PLXDC2: variants seen among roughly 807,000 people sequenced by gnomAD.
PLXDC2 encodes plexin domain-containing protein 2.
Under a neutral mutation model 68.9 loss-of-function variants are expected in PLXDC2, and 40 were observed. That is an observed-to-expected ratio of 0.58 (90% confidence interval 0.45 to 0.76). The LOEUF is 0.76. Among genes scored for constraint, PLXDC2 ranks in the 30% least tolerant of loss-of-function variants. The pLI, the probability that PLXDC2 is intolerant of heterozygous loss-of-function variation, is 0.00. For synonymous variants in PLXDC2, 243 were observed against 234.2 expected (o/e 1.04, Z -0.34); for missense variants, 644 against 661.9 (o/e 0.97, Z 0.30).
chr10:20,095,088 G>A (rs1833332704), intron 4 of PLXDC2, among the ~76,000 whole-genome samples: 2 of 151,876 alleles, frequency 1.3e-5, no homozygotes, highest in Non-Finnish European at 2.9e-5. Flanking sequence ...AAAAGAAACA[G>A]GCACAATTAA....
At chr10:20,266,346 T>A in intron 13 of PLXDC2, among the ~76,000 whole-genome samples, 1 of 150,490 alleles carries the variant, frequency 6.6e-6, no homozygotes, top group African/African-American at 2.4e-5. Flanking sequence ...CAAATGTAAA[T>A]TAATGAAATT....
intron 1 of PLXDC2, among the ~76,000 whole-genome samples, chr10:19,953,394 T>A (rs1279989719): frequency 1.3e-5 from 2 of 152,202 alleles, no homozygotes; most frequent in Non-Finnish European, 2.9e-5. Context: ...ACTGGATGTA[T>A]ATACCTGTGA....
chr10:20,112,336 A>AT lies in PLXDC2; in HGVS notation c.542-30958dup, dbSNP rs1332170292. Among the ~76,000 whole-genome samples the AT allele has an allele frequency of 3.4e-4, 48 of 141,420 alleles. No individual in the cohort carries two copies. The South Asian group carries it at 1.0e-2, about 29-fold the overall frequency. 92.8% of individuals were successfully genotyped at this position (141,420 alleles called of 152,430 possible). ...GAACTTAAATTGTTCACATAGGAAAATGAAAAAAAAAAAAAAGGTTCTACT... is the reference window on the plus strand; with the variant it reads ...GAACTTAAATTGTTCACATAGGAAAATTGAAAAAAAAAAAAAAGGTTCTACT... On this transcript the variant is annotated intron_variant, in intron 4 of 13. Transcript: ENST00000377252.
intron 1 of PLXDC2, among the ~76,000 whole-genome samples, chr10:19,832,197 A>G (rs1417654151): frequency 1.3e-5 from 2 of 152,258 alleles, no homozygotes; most frequent in African/African-American, 4.8e-5. Context: ...CAAAAATAGT[A>G]TAACTATGCT....
chr10:20,044,278 TTTC>T (rs1835756480), intron 2 of PLXDC2, among the ~76,000 whole-genome samples: 2 of 124,624 alleles, frequency 1.6e-5, no homozygotes, highest in African/African-American at 3.1e-5. Flanking sequence ...TCTTTCTTTC[TTTC>T]TTTCTTTCTT....
At chr10:20,101,952 C>G (rs1833427551) in intron 4 of PLXDC2, among the ~76,000 whole-genome samples, 1 of 152,060 alleles carries the variant, frequency 6.6e-6, no homozygotes. Flanking sequence ...CCCCCGACCC[C>G]CACCATGCCC....
At chr10:20,133,625 A>G (rs894764227) in intron 4 of PLXDC2, among the ~76,000 whole-genome samples, 8 of 152,142 alleles carry the variant, frequency 5.3e-5, no homozygotes, top group African/African-American at 1.7e-4. Flanking sequence ...TGCTGCTCTC[A>G]AATTTCTCGC....
Position 20,147,796 on chromosome 10 carries a change from T to G in PLXDC2, c.677T>G (p.Val226Gly), listed in dbSNP as rs1200349862. The change falls in exon 6 of 14, where the codon GTG becomes GGG. Residue 226 changes from valine to glycine, a missense_variant. By Grantham distance (109) the Val-to-Gly change is moderately radical (BLOSUM62 -3). This residue lies in a region of PLXDC2 where 113 missense variants were observed against 167.1 expected (regional missense o/e 0.68). Transcript: ENST00000377252. ...AATGGGTGTATAGGCACAGCACTTG[T>G]GGTCCAGTGGGACCATGTACATCTC... ...VRYFDNGTAL[V>G]VQWDHVHLQD... 1 of 1,607,908 alleles carries G rather than the reference T, an allele frequency of 6.2e-7. No homozygotes were observed. The highest frequency in any genetic ancestry group is 1.1e-5 in the South Asian group (1 of 90,862).
intron 1 of PLXDC2, among the ~76,000 whole-genome samples, chr10:19,843,761 G>A (rs143287997): frequency 1.3e-3 from 194 of 152,256 alleles, no homozygotes; most frequent in African/African-American, 4.5e-3. Context: ...TGATATCAGA[G>A]CCTGGGAAGA....
intron 13 of PLXDC2, among the ~76,000 whole-genome samples, chr10:20,260,056 G>A (rs565739467): frequency 6.6e-6 from 1 of 152,104 alleles, no homozygotes; most frequent in East Asian, 1.9e-4. Flanking sequence ...TCTATATCAG[G>A]TACTCTTTTT....
chr10:19,844,314 C>A (rs760841831), intron 1 of PLXDC2, among the ~76,000 whole-genome samples: 22 of 152,214 alleles, frequency 1.4e-4, no homozygotes, highest in Admixed American at 2.6e-4. Context: ...CCTATCCCAG[C>A]GGGTACAGAG....
chr10:20,062,048 G>A (rs10827943), intron 3 of PLXDC2, among the ~76,000 whole-genome samples: 16,293 of 152,210 alleles, frequency 0.11, 1,011 homozygotes, highest in South Asian at 0.29. Flanking sequence ...TGATGGCCAG[G>A]TATTATTTGG....
At chr10:19,850,851 G>A (rs912253427) in intron 1 of PLXDC2, among the ~76,000 whole-genome samples, 2 of 152,150 alleles carry the variant, frequency 1.3e-5, no homozygotes, top group African/African-American at 4.8e-5. Context: ...AAAGCCCAGA[G>A]TCCTGTGCTG....
chr10:20,054,103 G>A (rs1380050929), intron 3 of PLXDC2, among the ~76,000 whole-genome samples: 1 of 152,056 alleles, frequency 6.6e-6, no homozygotes, highest in Non-Finnish European at 1.5e-5. Flanking sequence ...TGTAGCATGA[G>A]CAAGACGGAA....
rs536067175 is a variant in PLXDC2 at position 19,840,625 on chromosome 10, C to T, written c.112+23434C>T. Among the ~76,000 whole-genome samples, 21 of 152,188 alleles carry T rather than the reference C, an allele frequency of 1.4e-4. 1 individual carries two copies. The South Asian group carries it at 4.1e-3, about 30-fold the overall frequency. On this transcript the variant is annotated intron_variant, in intron 1 of 13. Transcript: ENST00000377252. The stretch of plus-strand genomic sequence containing the variant: ...GTTTAAAAATTACACATCCTCATGC[C>T]TTCAGCCACAATGTATACATTCTTA...
At chr10:20,245,272 A>T (rs1478909213) in intron 12 of PLXDC2, 73 bp from the exon 13 acceptor site, 44 of 1,474,640 alleles carry the variant, frequency 3.0e-5, no homozygotes, top group Non-Finnish European at 3.7e-5. Flanking sequence ...AAAAACACAA[A>T]TATCTCCTCA....
chr10:19,877,215 A>G (rs1238577491), intron 1 of PLXDC2, among the ~76,000 whole-genome samples: 1 of 151,734 alleles, frequency 6.6e-6, no homozygotes, highest in African/African-American at 2.4e-5. Context: ...GGGGAGTTGA[A>G]GGGAGATAGA....
chr10:19,940,304 A>T lies in PLXDC2; in HGVS notation c.113-61471A>T, dbSNP rs185966400. Among the ~76,000 whole-genome samples the T allele has an allele frequency of 1.8e-3, 276 of 152,250 alleles. 1 individual carries two copies. Among genetic ancestry groups the T allele is most frequent in the Middle Eastern group, 0.01 (3 of 294 alleles). On this transcript the variant is annotated intron_variant, in intron 1 of 13. Transcript: ENST00000377252. The stretch of plus-strand genomic sequence containing the variant: ...TATACTCTAATAAAAAAAATTTTTT[A>T]AATCTGCTAGGAAGTTTTAAATGCA...
At chr10:20,149,663 C>T (rs907991831) in intron 6 of PLXDC2, among the ~76,000 whole-genome samples, 2 of 152,148 alleles carry the variant, frequency 1.3e-5, no homozygotes, top group African/African-American at 4.8e-5. Flanking sequence ...TAAGTGAGAA[C>T]ATTTGGTATT....
Sources: allele counts gnomAD v4.1 joint callset (sites outside exome capture counted in the v4.1 genomes callset), GRCh38; gene constraint gnomAD v4.1.1; regional missense constraint gnomAD v4.1.1; transcripts MANE v1.5; gene names NCBI Gene and HGNC (gene_info 2026-07-23, HGNC 2026-07-21).